The following CDH13 variants were observed in gnomAD, a reference collection of about 807,000 sequenced individuals.
CDH13 encodes cadherin-13.
A neutral mutation model predicts 63.8 loss-of-function variants in CDH13; 24 were observed. The observed-to-expected ratio is 0.38, with a 90% confidence interval of 0.27 to 0.53. The LOEUF is 0.53. Ranked by LOEUF, CDH13 falls within the 20% of genes least tolerant of loss-of-function variation. CDH13 has a pLI of 0.85. For missense variants in CDH13, 1,049 were observed against 903.1 expected (o/e 1.16, Z -2.07); for synonymous variants, 503 against 355.3 (o/e 1.42, Z -4.67).
At chr16:82,842,163 T>TAC (rs1237331745) in intron 1 of CDH13, among the ~76,000 whole-genome samples, 341 of 25,686 alleles carry the variant, frequency 0.013, 13 homozygotes, top group East Asian at 0.067. Context: ...TATATATATA[T>TAC]ACACACACAC....
At chr16:82,889,833 A>G (rs2041017856) in intron 2 of CDH13, among the ~76,000 whole-genome samples, 1 of 152,246 alleles carries the variant, frequency 6.6e-6, no homozygotes, top group African/African-American at 2.4e-5. Context: ...CGTAAGTCTA[A>G]AGGGCATGGT....
intron 1 of CDH13, among the ~76,000 whole-genome samples, chr16:82,840,225 G>A (rs760936616): frequency 6.6e-6 from 1 of 152,028 alleles, no homozygotes; most frequent in Non-Finnish European, 1.5e-5. Context: ...AGGTTTAGCA[G>A]GTTAGAGAAG....
chr16:83,459,263 A>G (rs947704307), intron 6 of CDH13, among the ~76,000 whole-genome samples: 1 of 152,232 alleles, frequency 6.6e-6, no homozygotes, highest in African/African-American at 2.4e-5. Context: ...CAAGAAACCC[A>G]TGTGGACCAC....
chr16:83,156,423 C>T (rs928968087), intron 4 of CDH13, among the ~76,000 whole-genome samples: 3 of 152,094 alleles, frequency 2.0e-5, no homozygotes, highest in African/African-American at 7.2e-5. Flanking sequence ...ATCCATGGCC[C>T]TCTAAGATAC....
intron 1 of CDH13, among the ~76,000 whole-genome samples, chr16:82,717,443 A>C (rs1479759947): frequency 6.8e-6 from 1 of 146,112 alleles, no homozygotes; most frequent in Non-Finnish European, 1.5e-5. Flanking sequence ...CTAAAAAAAA[A>C]AAAAAAAAAA....
chr16:83,530,221 C>T (rs758628023), intron 7 of CDH13, among the ~76,000 whole-genome samples: 1 of 152,146 alleles, frequency 6.6e-6, no homozygotes, highest in Non-Finnish European at 1.5e-5. Flanking sequence ...TCAATTAAAG[C>T]TTAAGTCAGT....
intron 5 of CDH13, among the ~76,000 whole-genome samples, chr16:83,231,020 G>C (rs895690022): frequency 6.6e-6 from 1 of 152,020 alleles, no homozygotes; most frequent in Non-Finnish European, 1.5e-5. Context: ...CATCTTCCTC[G>C]GGCTCTGACC....
intron 6 of CDH13, among the ~76,000 whole-genome samples, chr16:83,402,723 T>A (rs2091986448): frequency 6.6e-6 from 1 of 152,234 alleles, no homozygotes; most frequent in South Asian, 2.1e-4. Flanking sequence ...CACTCAGGAA[T>A]CTGGCAGAAA....
At chr16:82,692,936 A>G (rs916428605) in intron 1 of CDH13, among the ~76,000 whole-genome samples, 3 of 152,158 alleles carry the variant, frequency 2.0e-5, no homozygotes, top group Non-Finnish European at 4.4e-5. Flanking sequence ...GAGTACCTCA[A>G]CATTGAGGGA....
chr16:82,866,581 G>C (rs189176620), intron 2 of CDH13, among the ~76,000 whole-genome samples: 21 of 151,290 alleles, frequency 1.4e-4, no homozygotes, highest in African/African-American at 5.1e-4. Flanking sequence ...GTACAAAGAG[G>C]GTTTAACCAT....
chr16:82,984,989 C>G (rs1047850422), intron 2 of CDH13, among the ~76,000 whole-genome samples: 1 of 152,136 alleles, frequency 6.6e-6, no homozygotes, highest in Admixed American at 6.5e-5. Flanking sequence ...TTCATGCCCT[C>G]TCCTTTTTGT....
intron 1 of CDH13, among the ~76,000 whole-genome samples, chr16:82,785,218 C>G (rs575820087): frequency 3.4e-4 from 51 of 152,228 alleles, no homozygotes; most frequent in Non-Finnish European, 4.6e-4. Context: ...ACATGAGACT[C>G]TCTTATGTCT....
chr16:83,163,852 A>G (rs1453342656), intron 4 of CDH13, among the ~76,000 whole-genome samples: 1 of 152,008 alleles, frequency 6.6e-6, no homozygotes, highest in Non-Finnish European at 1.5e-5. Context: ...TTCAGTTTTT[A>G]ATTTCTGTAC....
intron 3 of CDH13, among the ~76,000 whole-genome samples, chr16:83,081,437 C>T (rs966292367): frequency 1.4e-5 from 2 of 147,370 alleles, no homozygotes; most frequent in Admixed American, 6.6e-5. Context: ...ATATTACCAG[C>T]GTTTAGAGAA....
intron 3 of CDH13, among the ~76,000 whole-genome samples, chr16:83,086,803 C>A (rs992343170): frequency 1.3e-5 from 2 of 152,046 alleles, no homozygotes; most frequent in African/African-American, 4.8e-5. Context: ...GTAAAATTTG[C>A]TGGAGATAGG....
intron 3 of CDH13, among the ~76,000 whole-genome samples, chr16:83,058,340 G>C (rs563133479): frequency 6.6e-6 from 1 of 152,140 alleles, no homozygotes; most frequent in African/African-American, 2.4e-5. Context: ...GTTCAAGTGG[G>C]GTTTTCTGCG....
intron 6 of CDH13, among the ~76,000 whole-genome samples, chr16:83,467,844 T>C (rs1326811376): frequency 6.6e-6 from 1 of 152,200 alleles, no homozygotes; most frequent in African/African-American, 2.4e-5. Context: ...TGGGGTCCGA[T>C]GTGCACACTG....
At chr16:83,379,919 G>GTATATATATATATATATATATATA (rs747045728) in intron 6 of CDH13, among the ~76,000 whole-genome samples, 1 of 126,442 alleles carries the variant, frequency 7.9e-6, no homozygotes, top group African/African-American at 3.2e-5. Flanking sequence ...ATGTGTGTGT[G>GTATATATATATATATATATATATA]TATATATATA....
intron 1 of CDH13, among the ~76,000 whole-genome samples, chr16:82,689,893 C>T (rs1915462149): frequency 6.9e-6 from 1 of 144,780 alleles, no homozygotes; most frequent in Non-Finnish European, 1.5e-5. Flanking sequence ...GCCTATAATC[C>T]CAGCACTTTT....
Sources: allele counts gnomAD v4.1 joint callset (sites outside exome capture counted in the v4.1 genomes callset), GRCh38; gene constraint gnomAD v4.1.1; transcripts MANE v1.5; gene names NCBI Gene and HGNC (gene_info 2026-07-23, HGNC 2026-07-21).